The following RPSA2 variants were observed in gnomAD, a reference collection of about 807,000 sequenced individuals.
The protein encoded by RPSA2 is small ribosomal subunit protein uS2B.
chr19:23,786,427 G>A, the RPSA2 span, among the ~76,000 whole-genome samples: 2 of 152,062 alleles, frequency 1.3e-5, no homozygotes, highest in Non-Finnish European at 1.5e-5. Context: ...CCAGCACCTC[G>A]GTGATTTGAC....
chr19:23,860,466 C>G, the RPSA2 span, among the ~76,000 whole-genome samples: 148,982 of 152,314 alleles, frequency 0.98, 72,955 homozygotes, highest in Middle Eastern at 1. Context: ...CTTCTCACTT[C>G]CCAGTTCTCC....
At chr19:23,806,001 G>GTCTGTCAATCTATCTATCTATCTA in the RPSA2 span, among the ~76,000 whole-genome samples, 6 of 132,740 alleles carry the variant, frequency 4.5e-5, no homozygotes, top group African/African-American at 1.7e-4. Flanking sequence ...CTATCTGTCT[G>GTCTGTCAATCTATCTATCTATCTA]TCTATCTATC....
the RPSA2 span, among the ~76,000 whole-genome samples, chr19:23,812,870 T>C: frequency 3.5e-4 from 54 of 152,258 alleles, no homozygotes; most frequent in Admixed American, 5.9e-4. Context: ...TTTTTTTCAG[T>C]TTTTTAAAAA....
chr19:23,843,656 G>A, the RPSA2 span, among the ~76,000 whole-genome samples: 1 of 152,188 alleles, frequency 6.6e-6, no homozygotes, highest in African/African-American at 2.4e-5. Flanking sequence ...TATCTGAAAT[G>A]TGTGAGAGCA....
chr19:23,794,566 G>C, the RPSA2 span, among the ~76,000 whole-genome samples: 1 of 151,926 alleles, frequency 6.6e-6, no homozygotes, highest in African/African-American at 2.4e-5. Flanking sequence ...GTTTAAGTTT[G>C]TTATAGATTC....
At chr19:23,777,285 A>G in the RPSA2 span, among the ~76,000 whole-genome samples, 1 of 152,204 alleles carries the variant, frequency 6.6e-6, no homozygotes, top group Non-Finnish European at 1.5e-5. Context: ...AACCCTGCAT[A>G]CATTATGTAT....
the RPSA2 span, among the ~76,000 whole-genome samples, chr19:23,848,205 C>T: frequency 1.8e-4 from 27 of 152,246 alleles, no homozygotes; most frequent in African/African-American, 6.5e-4. Context: ...GATAAATATC[C>T]ATGAAATCTT....
At chr19:23,784,487 A>G in the RPSA2 span, among the ~76,000 whole-genome samples, 1 of 152,234 alleles carries the variant, frequency 6.6e-6, no homozygotes, top group African/African-American at 2.4e-5. Context: ...GGACTCTATT[A>G]TCTGGACTCA....
the RPSA2 span, among the ~76,000 whole-genome samples, chr19:23,828,783 T>G: frequency 6.6e-6 from 1 of 152,056 alleles, no homozygotes; most frequent in African/African-American, 2.4e-5. Flanking sequence ...TATACTGCCT[T>G]TAAGTAGTCT....
chr19:23,806,047 CTTT>C, the RPSA2 span, among the ~76,000 whole-genome samples: 3 of 126,408 alleles, frequency 2.4e-5, no homozygotes, highest in Non-Finnish European at 4.8e-5. Flanking sequence ...TTCTTTCTTT[CTTT>C]TTTTTTTTTT....
the RPSA2 span, among the ~76,000 whole-genome samples, chr19:23,855,966 C>T: frequency 1.3e-5 from 2 of 152,056 alleles, no homozygotes; most frequent in African/African-American, 4.8e-5. Flanking sequence ...CCGTGAGAGC[C>T]ACAAGTATTG....
chr19:23,794,595 C>T, the RPSA2 span, among the ~76,000 whole-genome samples: 1 of 151,592 alleles, frequency 6.6e-6, no homozygotes, highest in Non-Finnish European at 1.5e-5. Flanking sequence ...ACACCTTTGT[C>T]AGAAGCATAG....
chr19:23,850,785 G>T, the RPSA2 span, among the ~76,000 whole-genome samples: 3 of 152,196 alleles, frequency 2.0e-5, no homozygotes, highest in Non-Finnish European at 4.4e-5. Flanking sequence ...TGCAGTCAGA[G>T]TATTGTCTTT....
the RPSA2 span, among the ~76,000 whole-genome samples, chr19:23,768,319 A>G: frequency 6.6e-6 from 1 of 152,000 alleles, no homozygotes; most frequent in African/African-American, 2.4e-5. Context: ...CATTTCCACA[A>G]GCAAATATGA....
the RPSA2 span, among the ~76,000 whole-genome samples, chr19:23,867,845 AAAAG>A: frequency 6.6e-6 from 1 of 152,020 alleles, no homozygotes; most frequent in Non-Finnish European, 1.5e-5. Flanking sequence ...AAAAAAAAAA[AAAAG>A]GATTGGGACA....
chr19:23,801,080 T>C, the RPSA2 span, among the ~76,000 whole-genome samples: 5 of 152,144 alleles, frequency 3.3e-5, no homozygotes, highest in Admixed American at 3.3e-4. Context: ...CCACTTCTCT[T>C]TTTCTCCTCT....
At chr19:23,829,387 C>T in the RPSA2 span, among the ~76,000 whole-genome samples, 13 of 152,238 alleles carry the variant, frequency 8.5e-5, no homozygotes, top group South Asian at 1.2e-3. Context: ...CCGCAATCTC[C>T]GCCTCCTGGG....
chr19:23,816,027 T>C, the RPSA2 span, among the ~76,000 whole-genome samples: 1 of 151,960 alleles, frequency 6.6e-6, no homozygotes, highest in Non-Finnish European at 1.5e-5. Context: ...TTTCAGCCTA[T>C]TTGACTTAGT....
At chr19:23,801,734 T>C in the RPSA2 span, among the ~76,000 whole-genome samples, 1 of 152,206 alleles carries the variant, frequency 6.6e-6, no homozygotes, top group Non-Finnish European at 1.5e-5. Flanking sequence ...CACCCCACTC[T>C]CTATCTCTCT....
Sources: allele counts gnomAD v4.1 joint callset (sites outside exome capture counted in the v4.1 genomes callset), GRCh38; gene constraint gnomAD v4.1.1; transcripts MANE v1.5; gene names NCBI Gene and HGNC (gene_info 2026-07-23, HGNC 2026-07-21).